The following FYB2 variants were observed in gnomAD, a reference collection of about 807,000 sequenced individuals.
The protein encoded by FYB2 is FYN-binding protein 2.
A neutral mutation model predicts 94.1 loss-of-function variants in FYB2; 103 were observed. The ratio of observed to expected loss-of-function variants is 1.09; its 90% CI spans 0.93 to 1.29. The LOEUF (loss-of-function observed/expected upper bound fraction) is 1.29. FYB2 is among the 50% of genes most tolerant of loss of function. The pLI is 0.00. For missense variants in FYB2, 896 were observed against 841.5 expected (o/e 1.06, Z -0.80); for synonymous variants, 293 against 287.9 (o/e 1.02, Z -0.18).
At chr1:56,742,084 G>A (rs926479404) in intron 12 of FYB2, 77 bp downstream of exon 12, 2 of 1,302,534 alleles carry the variant, frequency 1.5e-6, no homozygotes, top group Non-Finnish European at 2.2e-6. Context: ...CGGATGGTGG[G>A]TCCTCACTGA....
intron 1 of FYB2, among the ~76,000 whole-genome samples, chr1:56,807,056 G>T (rs1373079867): frequency 6.6e-6 from 1 of 152,134 alleles, no homozygotes. Flanking sequence ...CCTAGAACAG[G>T]AGGCTTCACT....
intron 17 of FYB2, among the ~76,000 whole-genome samples, chr1:56,723,211 A>ACACACACACACACG (rs372457588): frequency 1.3e-5 from 2 of 149,978 alleles, no homozygotes; most frequent in Non-Finnish European, 2.9e-5. Flanking sequence ...ACAGACACAC[A>ACACACACACACACG]CACACACACA....
chr1:56,773,004 C>T (rs549641835), intron 4 of FYB2, among the ~76,000 whole-genome samples: 7 of 152,216 alleles, frequency 4.6e-5, no homozygotes, highest in South Asian at 2.1e-4. Context: ...CATTATAAAA[C>T]GTTAATGTTT....
chr1:56,734,269 A>T (rs1007217520), intron 15 of FYB2, among the ~76,000 whole-genome samples: 1 of 151,806 alleles, frequency 6.6e-6, no homozygotes, highest in East Asian at 1.9e-4. Flanking sequence ...TTCTTGGTAG[A>T]TCTTCCTCCA....
At chr1:56,745,489 TTCTC>T (rs941234679) in intron 9 of FYB2, among the ~76,000 whole-genome samples, 1 of 151,900 alleles carries the variant, frequency 6.6e-6, no homozygotes, top group African/African-American at 2.4e-5. Flanking sequence ...CTCGATTCAT[TTCTC>T]TCTCATTTCT....
intron 1 of FYB2, among the ~76,000 whole-genome samples, chr1:56,793,069 T>C (rs2100981314): frequency 6.6e-6 from 1 of 152,220 alleles, no homozygotes; most frequent in South Asian, 2.1e-4. Flanking sequence ...ACACAGCACA[T>C]AAAGAACACC....
chr1:56,793,503 CT>C (rs1460878902), intron 1 of FYB2, among the ~76,000 whole-genome samples: 1 of 152,112 alleles, frequency 6.6e-6, no homozygotes, highest in Non-Finnish European at 1.5e-5. Context: ...CATGTTCTCA[CT>C]TACAAGTAGG....
chr1:56,729,935 T>G (rs1485096089), intron 15 of FYB2, among the ~76,000 whole-genome samples: 1 of 151,830 alleles, frequency 6.6e-6, no homozygotes. Context: ...GAACAACCAA[T>G]GGGTGAAGGA....
In FYB2 at chr1:56,808,582, C is replaced by T. The variant is rs549693548; in HGVS notation, c.9+10700G>A. On this transcript the variant is annotated intron_variant, in intron 1 of 19. Transcript: ENST00000343433. ...GACTCCTGGCACCAGCTCCCAATTTCCTTCACCTTGGGAGGTTGCCAGCTG... is the reference window on the plus strand; with the variant it reads ...GACTCCTGGCACCAGCTCCCAATTTTCTTCACCTTGGGAGGTTGCCAGCTG... Among the ~76,000 whole-genome samples, 30 of 152,282 alleles carry T rather than the reference C, an allele frequency of 2.0e-4. No homozygotes were observed. The Middle Eastern group carries it at 0.014, about 69-fold the overall frequency.
intron 1 of FYB2, among the ~76,000 whole-genome samples, chr1:56,801,057 C>T (rs1178359147): frequency 6.6e-6 from 1 of 152,116 alleles, no homozygotes; most frequent in African/African-American, 2.4e-5. Flanking sequence ...TATAGTATCG[C>T]CAATTGAATC....
At chr1:56,797,898 T>C (rs1646436502) in intron 1 of FYB2, among the ~76,000 whole-genome samples, 1 of 152,168 alleles carries the variant, frequency 6.6e-6, no homozygotes. Flanking sequence ...TCCATCAGAA[T>C]GTAAACTCTT....
At position 56,740,746 on chromosome 1, in the gene FYB2, C is replaced by T; in HGVS notation, c.1654G>A (p.Glu552Lys). 1 of 1,608,428 alleles carries T rather than the reference C, an allele frequency of 6.2e-7. No homozygotes were observed. The highest frequency in any genetic ancestry group is 8.5e-7 in the Non-Finnish European group (1 of 1,177,050). ...LKRLQQFFKK[E>K]KDRFKIKKTK... ...TTCTTTATTTTAAATCTATCCTTTT[C>T]TTTCTTGAAGAATTGCTGCAGTCTT... Residue 552 changes from glutamate to lysine, a missense_variant, in exon 13 of 20, where the codon GAA becomes AAA. Coordinates refer to ENST00000343433, the MANE Select transcript of FYB2 (RefSeq NM_001004303.5).
In FYB2 at chr1:56,737,078, A is replaced by AT; in HGVS notation, c.1793+8dup. ...TCAGCAGGGATGACCAATAAGGTAAATTACTTACTTTGACTCTTTTTCACT... is the reference window on the plus strand; with the variant it reads ...TCAGCAGGGATGACCAATAAGGTAAATTTACTTACTTTGACTCTTTTTCACT... On this transcript the variant is annotated intron_variant, in intron 15 of 19. Coordinates refer to ENST00000343433, the MANE Select transcript of FYB2 (RefSeq NM_001004303.5). 1 of 1,586,366 alleles carries AT rather than the reference A, an allele frequency of 6.3e-7. No homozygotes were observed. Among genetic ancestry groups the AT allele is most frequent in the Non-Finnish European group, 8.6e-7 (1 of 1,157,686 alleles).
At chr1:56,806,031 C>T (rs747397218) in intron 1 of FYB2, among the ~76,000 whole-genome samples, 17 of 152,338 alleles carry the variant, frequency 1.1e-4, no homozygotes, top group Middle Eastern at 6.8e-3. Context: ...TCCTTAATAA[C>T]AGTGTTTCCT....
At chr1:56,751,342 A>G (rs535602208) in intron 8 of FYB2, 139 bp from the exon 9 acceptor site, 1 of 987,490 alleles carries the variant, frequency 1.0e-6, no homozygotes, top group South Asian at 1.8e-5. Flanking sequence ...ATATCTTACT[A>G]GACTCTAAGT....
rs1455321290 is a variant in FYB2, at chr1:56,719,372, T to A, written c.*299A>T. On this transcript the variant is annotated 3_prime_UTR_variant, in exon 20 of 20. Coordinates refer to ENST00000343433, the MANE Select transcript of FYB2 (RefSeq NM_001004303.5). ...GTGCCATAAGGCATGATTTCTAACTTTGGATATGGCTCATTAAATAAGTGC... is the reference window on the plus strand; with the variant it reads ...GTGCCATAAGGCATGATTTCTAACTATGGATATGGCTCATTAAATAAGTGC... 3.7e-5 allele frequency: 11 copies of A among 299,018 alleles called. No individual in the cohort carries two copies. The highest frequency in any genetic ancestry group is 6.2e-6 in the Non-Finnish European group (1 of 161,482). The allele number at this position is 299,018 out of a possible 1,614,324, so 18.5% of individuals were successfully genotyped here. A position where few individuals can be genotyped will look rare whatever the true frequency, so the allele number is the denominator to read the frequency against.
At chr1:56,777,239 C>CAAAAA (rs1453236717) in intron 4 of FYB2, among the ~76,000 whole-genome samples, 55 of 4,798 alleles carry the variant, frequency 0.011, 7 homozygotes, top group Non-Finnish European at 0.013. Context: ...GTCTCAAAAA[C>CAAAAA]AAAAAAAAAA....
chr1:56,727,530 ATAT>A (rs775085845), intron 15 of FYB2, among the ~76,000 whole-genome samples: 129 of 152,258 alleles, frequency 8.5e-4, no homozygotes, highest in African/African-American at 2.9e-3. Flanking sequence ...GAAAAATGAA[ATAT>A]TATATTTGAA....
At chr1:56,807,511 C>T (rs1646674948) in intron 1 of FYB2, among the ~76,000 whole-genome samples, 1 of 152,170 alleles carries the variant, frequency 6.6e-6, no homozygotes, top group Non-Finnish European at 1.5e-5. Flanking sequence ...CCAATACTAG[C>T]AATGGAAGTC....
Sources: allele counts gnomAD v4.1 joint callset (sites outside exome capture counted in the v4.1 genomes callset), GRCh38; gene constraint gnomAD v4.1.1; transcripts MANE v1.5; gene names NCBI Gene and HGNC (gene_info 2026-07-23, HGNC 2026-07-21).